CDC27: variants seen among roughly 807,000 people sequenced by gnomAD.
The protein encoded by CDC27 is cell division cycle 27, also known as cell division cycle protein 27 homolog.
CDC27 carries 27 observed loss-of-function variants against 109.7 expected under a neutral mutation model. That is an observed-to-expected ratio of 0.25 (90% CI 0.18 to 0.34). The LOEUF (loss-of-function observed/expected upper bound fraction) is 0.34, where lower values mean the gene tolerates loss of function less well. Ranked by LOEUF, CDC27 falls within the 10% of genes least tolerant of loss-of-function variation. CDC27 has a pLI of 1.00. For synonymous variants in CDC27, 266 were observed against 333.9 expected (o/e 0.80, Z 2.22); for missense variants, 579 against 960.2 (o/e 0.60, Z 5.25).
chr17:47,159,475 TG>T, intron 4 of CDC27: 1 of 588,746 alleles, frequency 1.7e-6, no homozygotes, highest in Non-Finnish European at 2.9e-6. Context: ...CCCGTGCTCC[TG>T]GGGGTGCGAC....
At chr17:47,138,692 G>T (rs764245114) in intron 13 of CDC27, 47 bp downstream of exon 13, 2 of 1,336,446 alleles carry the variant, frequency 1.5e-6, no homozygotes, top group South Asian at 1.2e-5. Context: ...TCTGTTGAGG[G>T]TGATCAAAAA....
rs1165289759 is a variant in CDC27, at chr17:47,137,171, G to A, written c.1894C>T (p.Pro632Ser). ...ACFRNAIRVNPRHYNAWYGLG... is the reference protein window; with the variant it reads ...ACFRNAIRVNSRHYNAWYGLG... ...ACTTACCATGCATTATAATGTCTAGGATTGACTCTGATAGCATTTCGAAAA... is the reference window on the plus strand; with the variant it reads ...ACTTACCATGCATTATAATGTCTAGAATTGACTCTGATAGCATTTCGAAAA... Residue 632 changes from proline (P) to serine (S), a missense_variant, in exon 14 of 19, where the codon CCT becomes TCT. Around this residue, in one of 9 missense-constraint regions of CDC27, gnomAD observed 227 missense variants for 363.6 expected, o/e 0.62. Transcript: ENST00000066544. 5 of 1,603,848 alleles carry A rather than the reference G, an allele frequency of 3.1e-6. No homozygotes were observed. The highest frequency in any genetic ancestry group is 4.3e-6 in the Non-Finnish European group (5 of 1,174,528).
intron 4 of CDC27, chr17:47,159,245 G>C (rs755055024): frequency 2.1e-4 from 110 of 522,152 alleles, no homozygotes; most frequent in Middle Eastern, 1.6e-3. Context: ...CTCTAGTGTG[G>C]GTCTTGACGA....
chr17:47,188,407 A>T (rs1430037418), intron 1 of CDC27, among the ~76,000 whole-genome samples: 1 of 152,222 alleles, frequency 6.6e-6, no homozygotes, highest in African/African-American at 2.4e-5. Context: ...GTGTAAAGGC[A>T]GTGAAATGGA....
intron 4 of CDC27, among the ~76,000 whole-genome samples, chr17:47,167,005 C>T (rs2063669091): frequency 6.6e-6 from 1 of 152,138 alleles, no homozygotes; most frequent in African/African-American, 2.4e-5. Flanking sequence ...CAGACGTGCA[C>T]CACCATGCCC....
At chr17:47,144,871 TCACA>T (rs35160918) in intron 9 of CDC27, among the ~76,000 whole-genome samples, 90 of 149,990 alleles carry the variant, frequency 6.0e-4, no homozygotes, top group African/African-American at 2.0e-3. Context: ...TGTGTGTATA[TCACA>T]CACACACACA....
At chr17:47,144,413 A>G (rs1006470415) in intron 9 of CDC27, among the ~76,000 whole-genome samples, 3 of 152,218 alleles carry the variant, frequency 2.0e-5, no homozygotes, top group Non-Finnish European at 4.4e-5. Flanking sequence ...TAAATCAATT[A>G]TTTTTACCCT....
chr17:47,172,969 G>A (rs898309747), intron 2 of CDC27, among the ~76,000 whole-genome samples: 1 of 152,190 alleles, frequency 6.6e-6, no homozygotes, highest in African/African-American at 2.4e-5. Flanking sequence ...GCATAACTTG[G>A]AAACTTGCTA....
chr17:47,186,026 C>A (rs543180471), intron 1 of CDC27, among the ~76,000 whole-genome samples: 2 of 152,184 alleles, frequency 1.3e-5, no homozygotes, highest in Non-Finnish European at 2.9e-5. Context: ...TATTAGCTTG[C>A]CCCAAATGTC....
intron 2 of CDC27, among the ~76,000 whole-genome samples, chr17:47,175,005 GAGAGAGAAAGAAAGAA>G (rs1331606926): frequency 1.1e-5 from 1 of 87,462 alleles, no homozygotes; most frequent in Non-Finnish European, 2.7e-5. Context: ...AAGGAAAGGA[GAGAGAGAAAGAAAGAA>G]AGAGAGAAAG....
rs1201116165 is a variant in CDC27 at position 47,181,305 on chromosome 17, CT to C, written c.103+256del. The C allele has an allele frequency of 1.7e-5, 3 of 173,096 alleles. No homozygotes were observed. In the Admixed American group the frequency reaches 2.1e-4, roughly 12 times the overall value. The allele number at this position is 173,096 out of a possible 1,614,324, so 10.7% of individuals were successfully genotyped here. On this transcript the variant is annotated intron_variant, in intron 2 of 18. Coordinates refer to ENST00000066544, the MANE Select transcript of CDC27 (RefSeq NM_001256.6). ...AAAAAAACCCAAAACAACAAAAACC[CT>C]GGGGGAAAAAAAAACCTAAAGATTG...
At position 47,164,646 on chromosome 17, in the gene CDC27, G is replaced by A. The variant is rs945616721; in HGVS notation, c.377+5271C>T. Among the ~76,000 whole-genome samples, 32 of 152,194 alleles carry A rather than the reference G, an allele frequency of 2.1e-4. 1 individual carries two copies. Among genetic ancestry groups the A allele is most frequent in the Non-Finnish European group, 4.0e-4 (27 of 68,006 alleles). On this transcript the variant is annotated intron_variant, in intron 4 of 18. Coordinates refer to ENST00000066544, the MANE Select transcript of CDC27 (RefSeq NM_001256.6). ...AGCCTGGCCAATATGGTGAAACCCC[G>A]TCTCTACTAAAAATACAAAAATTAG...
intron 13 of CDC27, among the ~76,000 whole-genome samples, chr17:47,137,638 T>C (rs537130421): frequency 1.3e-4 from 20 of 152,180 alleles, no homozygotes; most frequent in Non-Finnish European, 2.5e-4. Context: ...TACCTTCTTG[T>C]TTTAGCTCTC....
rs530687329 is a variant in CDC27, at chr17:47,119,036, C to T, written c.*1899G>A. On this transcript the variant is annotated 3_prime_UTR_variant, in exon 19 of 19. Transcript: ENST00000066544. ...GCTTAGCTTTCTCCAGGCTTTATAA[C>T]GCAGAACTCAGGTTGAAGCTTTCTA... 4 of 152,286 alleles carry T rather than the reference C, an allele frequency of 2.6e-5. No homozygotes were observed. The highest frequency in any genetic ancestry group is 1.9e-4 in the East Asian group (1 of 5,182). The allele number at this position is 152,286 out of a possible 1,614,324, so 9.4% of individuals were successfully genotyped here.
At chr17:47,187,845 C>T (rs999718480) in intron 1 of CDC27, among the ~76,000 whole-genome samples, 1 of 25,798 alleles carries the variant, frequency 3.9e-5, no homozygotes, top group African/African-American at 1.6e-4. Context: ...TCATCTACAG[C>T]CAGAATAAAA....
At chr17:47,155,331 C>T (rs547244539) in intron 7 of CDC27, among the ~76,000 whole-genome samples, 1 of 152,240 alleles carries the variant, frequency 6.6e-6, no homozygotes, top group East Asian at 1.9e-4. Context: ...CTGCAACCTC[C>T]ACCTGCTGGG....
At chr17:47,167,936 A>G (rs971501277) in intron 4 of CDC27, among the ~76,000 whole-genome samples, 3 of 152,204 alleles carry the variant, frequency 2.0e-5, no homozygotes, top group African/African-American at 7.2e-5. Flanking sequence ...TTCAGGTTTG[A>G]TGAATTTGCT....
chr17:47,155,040 A>G (rs1385997082), intron 7 of CDC27, among the ~76,000 whole-genome samples: 1 of 152,222 alleles, frequency 6.6e-6, no homozygotes, highest in Non-Finnish European at 1.5e-5. Context: ...TATTAGAAAT[A>G]AAGAAGAGTA....
intron 14 of CDC27, among the ~76,000 whole-genome samples, chr17:47,134,959 G>T (rs946971444): frequency 2.6e-5 from 4 of 151,792 alleles, no homozygotes; most frequent in Admixed American, 2.6e-4. Flanking sequence ...TTACTGAGTA[G>T]TTATTACATG....
Sources: allele counts gnomAD v4.1 joint callset (sites outside exome capture counted in the v4.1 genomes callset), GRCh38; gene constraint gnomAD v4.1.1; regional missense constraint gnomAD v4.1.1; transcripts MANE v1.5; gene names NCBI Gene and HGNC (gene_info 2026-07-23, HGNC 2026-07-21).